Variants in ENPP2 observed in about 807,000 individuals in gnomAD.
ENPP2 encodes autotaxin.
A neutral mutation model predicts 120.2 loss-of-function variants in ENPP2; 51 were observed. The ratio of observed to expected loss-of-function variants is 0.42; its 90% CI spans 0.34 to 0.54. The LOEUF is 0.54. Ranked by LOEUF, ENPP2 falls within the 20% of genes least tolerant of loss-of-function variation. ENPP2 has a pLI of 0.04. For missense variants in ENPP2, 920 were observed against 1,066.5 expected (o/e 0.86, Z 1.91); for synonymous variants, 365 against 366.4 (o/e 1.00, Z 0.04).
At position 119,564,938 on chromosome 8, in the gene ENPP2, G is replaced by C. The variant is rs1814286528; in HGVS notation, c.2149C>G (p.Gln717Glu). 1 of 1,612,524 alleles carries C rather than the reference G, an allele frequency of 6.2e-7. No individual in the cohort carries two copies. Among genetic ancestry groups the C allele is most frequent in the Non-Finnish European group, 8.5e-7 (1 of 1,179,234 alleles). The change falls in exon 23 of 25, where the codon CAA becomes GAA. Residue 717 changes from glutamine to glutamate, a missense_variant. Physicochemically the swap from Gln to Glu is conservative, Grantham distance 29. Transcript: ENST00000075322. ...PAFKRVWNYF[Q>E]RVLVKKYASE... ...GCATATTTCTTCACCAATACCCTTT[G>C]GAAATAATTCCAGACCCCTGTGCAA...
Position 119,583,958 on chromosome 8 carries a change from A to G in ENPP2, c.1455+4T>C. 1.2e-6 allele frequency: 2 copies of G among 1,608,500 alleles called. No individual in the cohort carries two copies. Among genetic ancestry groups the G allele is most frequent in the Admixed American group, 1.7e-5 (1 of 59,984 alleles). On this transcript the variant is annotated splice_donor_region_variant and intron_variant, in intron 16 of 24. Coordinates refer to ENST00000075322, the MANE Select transcript of ENPP2 (RefSeq NM_001040092.3). ...AATTTCAATTCACAGTTCTGCCATCATACCTGCATGCTGTTGACCTTGTTA... is the reference window on the plus strand; with the variant it reads ...AATTTCAATTCACAGTTCTGCCATCGTACCTGCATGCTGTTGACCTTGTTA...
intron 1 of ENPP2, among the ~76,000 whole-genome samples, chr8:119,652,850 C>T (rs544671843): frequency 3.3e-5 from 5 of 152,184 alleles, no homozygotes; most frequent in South Asian, 2.1e-4. Flanking sequence ...AAGATCTGAG[C>T]GAGACAGCCA....
intron 11 of ENPP2, among the ~76,000 whole-genome samples, chr8:119,594,385 A>G (rs1286783497): frequency 6.6e-6 from 1 of 152,230 alleles, no homozygotes; most frequent in African/African-American, 2.4e-5. Flanking sequence ...TGAAAGCAAT[A>G]GATTCTTAAC....
At chr8:119,624,551 A>G (rs1475213536) in intron 3 of ENPP2, among the ~76,000 whole-genome samples, 3 of 152,182 alleles carry the variant, frequency 2.0e-5, no homozygotes, top group African/African-American at 7.2e-5. Flanking sequence ...GAGAATAGGC[A>G]AAAGTATGAA....
intron 22 of ENPP2, among the ~76,000 whole-genome samples, chr8:119,567,363 G>C (rs1171176827): frequency 1.3e-5 from 2 of 152,134 alleles, no homozygotes; most frequent in Admixed American, 6.5e-5. Context: ...GGATAATTAA[G>C]TCAGAAATCC....
At position 119,600,293 on chromosome 8, in the gene ENPP2, A is replaced by G. The variant is rs551160945; in HGVS notation, c.972+385T>C. ...GCCTAATCATTTCAAGGGTGCTGAA[A>G]TTCATTTACAATGTTTTGCATTGCA... is the stretch of plus-strand genomic sequence containing the variant. On this transcript the variant is annotated intron_variant, in intron 11 of 24. Coordinates refer to ENST00000075322, the MANE Select transcript of ENPP2 (RefSeq NM_001040092.3). Among the ~76,000 whole-genome samples, 9 of 152,238 alleles carry G rather than the reference A, an allele frequency of 5.9e-5. 1 individual carries two copies. The highest frequency in any genetic ancestry group is 2.2e-4 in the African/African-American group (9 of 41,530).
intron 22 of ENPP2, among the ~76,000 whole-genome samples, chr8:119,565,779 T>C (rs72688215): frequency 0.096 from 14,597 of 152,200 alleles, 1,127 homozygotes; most frequent in African/African-American, 0.2. Flanking sequence ...CCCTGTGAAA[T>C]GCTTACTTCC....
chr8:119,661,807 G>T (rs984745102), intron 1 of ENPP2, among the ~76,000 whole-genome samples: 3 of 152,068 alleles, frequency 2.0e-5, no homozygotes, highest in African/African-American at 7.2e-5. Context: ...AGAAAATGTG[G>T]TATATATACA....
At chr8:119,580,252 C>T (rs2130279190) in intron 18 of ENPP2, 85 bp from the exon 19 acceptor site, 3 of 1,035,642 alleles carry the variant, frequency 2.9e-6, no homozygotes, top group East Asian at 2.4e-5. Flanking sequence ...GACTTAGCAC[C>T]CTGCTAAATT....
chr8:119,598,212 A>G (rs576061949), intron 11 of ENPP2, among the ~76,000 whole-genome samples: 3 of 152,322 alleles, frequency 2.0e-5, no homozygotes, highest in South Asian at 4.1e-4. Context: ...CTAGAACCAG[A>G]TGAGAAATAA....
intron 1 of ENPP2, among the ~76,000 whole-genome samples, chr8:119,664,076 C>T (rs994410284): frequency 1.5e-4 from 23 of 152,084 alleles, no homozygotes; most frequent in African/African-American, 5.1e-4. Context: ...ATAATGATGA[C>T]GGAGGCAGAG....
chr8:119,672,040 C>T (rs1299888614), intron 1 of ENPP2, among the ~76,000 whole-genome samples: 2 of 152,050 alleles, frequency 1.3e-5, no homozygotes, highest in Non-Finnish European at 2.9e-5. Context: ...TATGGTTTTG[C>T]TACAAGGAGG....
intron 1 of ENPP2, among the ~76,000 whole-genome samples, chr8:119,650,306 GT>G (rs1817591367): frequency 6.6e-6 from 1 of 152,140 alleles, no homozygotes; most frequent in Non-Finnish European, 1.5e-5. Flanking sequence ...GGGATAAAAG[GT>G]CAATTAGCAG....
chr8:119,673,317 G>T, exon 1 of ENPP2: 1 of 1,533,514 alleles, frequency 6.5e-7, no homozygotes, highest in Non-Finnish European at 8.7e-7. Flanking sequence ...CGCTGCGGAC[G>T]CGGCCTGGGC....
intron 22 of ENPP2, among the ~76,000 whole-genome samples, chr8:119,567,081 C>G (rs1814516761): frequency 6.6e-6 from 1 of 152,164 alleles, no homozygotes; most frequent in Admixed American, 6.5e-5. Flanking sequence ...CCCTTTCAGC[C>G]CTGAGAGTTA....
intron 1 of ENPP2, among the ~76,000 whole-genome samples, chr8:119,651,814 C>T (rs910198053): frequency 6.6e-6 from 1 of 152,166 alleles, no homozygotes; most frequent in African/African-American, 2.4e-5. Flanking sequence ...GAATGCTGGT[C>T]ATTATCAGAC....
intron 2 of ENPP2, among the ~76,000 whole-genome samples, chr8:119,629,506 G>C (rs1404920809): frequency 3.9e-5 from 6 of 152,060 alleles, no homozygotes; most frequent in South Asian, 4.1e-4. Context: ...CTTTGTCCTC[G>C]TTAAAGTCTT....
At chr8:119,565,829 C>A (rs74764522) in intron 22 of ENPP2, among the ~76,000 whole-genome samples, 14,526 of 152,072 alleles carry the variant, frequency 0.096, 1,111 homozygotes, top group African/African-American at 0.19. Context: ...CGTAGCCAGA[C>A]GGAGCCTTTT....
chr8:119,651,894 G>C (rs1817637569), intron 1 of ENPP2, among the ~76,000 whole-genome samples: 1 of 152,180 alleles, frequency 6.6e-6, no homozygotes, highest in South Asian at 2.1e-4. Flanking sequence ...GATTTAGTAA[G>C]CATCCACTGC....
Sources: gnomAD v4.1 joint callset for allele counts (sites outside exome capture counted in the v4.1 genomes callset) on GRCh38, gnomAD v4.1.1 for gene constraint, MANE v1.5 for transcripts, NCBI Gene and HGNC (gene_info 2026-07-23, HGNC 2026-07-21) for gene names.